Variants in SPMIP2 observed in about 807,000 individuals in gnomAD.
SPMIP2 encodes the protein protein SPMIP2.
chr4:158,971,576 C>A, the SPMIP2 span, among the ~76,000 whole-genome samples: 1 of 152,152 alleles, frequency 6.6e-6, no homozygotes, highest in African/African-American at 2.4e-5. Context: ...GTACTAATAG[C>A]TAAAATCTGG....
At chr4:159,028,243 TC>T in the SPMIP2 span, among the ~76,000 whole-genome samples, 1 of 152,230 alleles carries the variant, frequency 6.6e-6, no homozygotes, top group Non-Finnish European at 1.5e-5. Flanking sequence ...ATTAACTATT[TC>T]TTAACTATAT....
chr4:158,975,927 A>C, the SPMIP2 span, among the ~76,000 whole-genome samples: 1 of 152,200 alleles, frequency 6.6e-6, no homozygotes, highest in Non-Finnish European at 1.5e-5. Context: ...CTTGTTATCC[A>C]TGAGCACGGA....
chr4:158,906,848 C>T, the SPMIP2 span: 1 of 152,140 alleles, frequency 6.6e-6, no homozygotes, highest in East Asian at 1.9e-4. Context: ...ATCCACCGCT[C>T]ACACGCCGTA....
At chr4:158,949,946 G>A in the SPMIP2 span, among the ~76,000 whole-genome samples, 6 of 152,102 alleles carry the variant, frequency 3.9e-5, no homozygotes, top group African/African-American at 7.3e-5. Flanking sequence ...AACTGGGGAA[G>A]GTTGTAGTTA....
chr4:158,920,016 C>T, the SPMIP2 span, among the ~76,000 whole-genome samples: 2 of 152,166 alleles, frequency 1.3e-5, no homozygotes, highest in South Asian at 4.1e-4. Flanking sequence ...CATTTAGCAC[C>T]ATCCCCTGTT....
At chr4:159,012,252 T>TTA in the SPMIP2 span, among the ~76,000 whole-genome samples, 49 of 152,196 alleles carry the variant, frequency 3.2e-4, no homozygotes, top group African/African-American at 1.1e-3. Flanking sequence ...AAAACAAAAT[T>TTA]TTAAGATATC....
the SPMIP2 span, among the ~76,000 whole-genome samples, chr4:159,050,794 C>T: frequency 0.31 from 45,620 of 148,260 alleles, 7,596 homozygotes; most frequent in East Asian, 0.64. Flanking sequence ...AGAACTCATC[C>T]GTTAAAAAAA....
the SPMIP2 span, among the ~76,000 whole-genome samples, chr4:159,000,869 C>T: frequency 5.9e-5 from 9 of 152,186 alleles, no homozygotes; most frequent in South Asian, 1.2e-3. Flanking sequence ...CTTTTTATTG[C>T]TGAGTAATAT....
At chr4:159,012,652 G>A in the SPMIP2 span, among the ~76,000 whole-genome samples, 1 of 151,988 alleles carries the variant, frequency 6.6e-6, no homozygotes, top group Non-Finnish European at 1.5e-5. Context: ...ACTCACTGCA[G>A]CCTCAATCTC....
At chr4:158,996,222 A>C in the SPMIP2 span, among the ~76,000 whole-genome samples, 1,780 of 152,338 alleles carry the variant, frequency 0.012, 21 homozygotes, top group Non-Finnish European at 0.018. Flanking sequence ...GGCAGAATCA[A>C]AAATTTTGTA....
At chr4:159,081,426 C>T in the SPMIP2 span, among the ~76,000 whole-genome samples, 1 of 152,200 alleles carries the variant, frequency 6.6e-6, no homozygotes, top group South Asian at 2.1e-4. Context: ...CATGGTGGCT[C>T]ATGCCTGGAG....
the SPMIP2 span, among the ~76,000 whole-genome samples, chr4:158,962,874 A>G: frequency 2.0e-5 from 3 of 152,238 alleles, no homozygotes; most frequent in African/African-American, 7.2e-5. Flanking sequence ...AAGGAAAAAA[A>G]AAGTTCAGTG....
the SPMIP2 span, among the ~76,000 whole-genome samples, chr4:159,077,330 A>G: frequency 6.6e-6 from 1 of 151,652 alleles, no homozygotes; most frequent in African/African-American, 2.4e-5. Context: ...CATTATTAGT[A>G]GAGATGGGGT....
At chr4:158,990,722 T>C in the SPMIP2 span, among the ~76,000 whole-genome samples, 1 of 151,888 alleles carries the variant, frequency 6.6e-6, no homozygotes, top group Admixed American at 6.6e-5. Flanking sequence ...ACATCACACA[T>C]TGGGTCCCAT....
the SPMIP2 span, chr4:158,972,938 CAT>C: frequency 5.3e-5 from 33 of 626,270 alleles, no homozygotes; most frequent in Admixed American, 2.4e-4. Flanking sequence ...TTTATTCACA[CAT>C]GTGTCTTTCT....
At chr4:158,909,300 A>G in the SPMIP2 span, 1 of 152,026 alleles carries the variant, frequency 6.6e-6, no homozygotes, top group Non-Finnish European at 1.5e-5. Flanking sequence ...GTTACAGTAG[A>G]TATTTCAAAA....
At chr4:158,931,553 A>G in the SPMIP2 span, among the ~76,000 whole-genome samples, 1 of 151,944 alleles carries the variant, frequency 6.6e-6, no homozygotes, top group Non-Finnish European at 1.5e-5. Context: ...CACCATGCCC[A>G]GCCCAGAAAT....
the SPMIP2 span, chr4:159,007,228 C>A: frequency 1.4e-6 from 2 of 1,381,136 alleles, no homozygotes; most frequent in Non-Finnish European, 2.0e-6. Context: ...CAGATTCTTG[C>A]CACAGAAAAT....
the SPMIP2 span, chr4:159,035,044 A>G: frequency 3.1e-6 from 5 of 1,612,698 alleles, no homozygotes; most frequent in Non-Finnish European, 4.2e-6. Flanking sequence ...TGTAAAAATC[A>G]TTTGTTTTCC....
Sources: gnomAD v4.1 joint callset for allele counts (sites outside exome capture counted in the v4.1 genomes callset) on GRCh38, gnomAD v4.1.1 for gene constraint, MANE v1.5 for transcripts, NCBI Gene and HGNC (gene_info 2026-07-23, HGNC 2026-07-21) for gene names.